The following TMEM132C variants were observed in gnomAD, a reference collection of about 807,000 sequenced individuals.
TMEM132C encodes the protein transmembrane protein 132C.
A neutral mutation model predicts 61.4 loss-of-function variants in TMEM132C; 29 were observed. The observed-to-expected ratio is 0.47, with a 90% CI of 0.35 to 0.64. The LOEUF is 0.64. Ranked by LOEUF, TMEM132C falls within the 30% of genes least tolerant of loss-of-function variation. TMEM132C has a pLI of 0.00. For synonymous variants in TMEM132C, 656 were observed against 633.1 expected (o/e 1.04, Z -0.54); for missense variants, 1,408 against 1,476.9 (o/e 0.95, Z 0.76).
At chr12:128,656,942 A>C (rs7297892) in intron 4 of TMEM132C, among the ~76,000 whole-genome samples, 40,057 of 151,946 alleles carry the variant, frequency 0.26, 5,868 homozygotes, top group South Asian at 0.33. Flanking sequence ...TTTGGGGGCT[A>C]CCTCTGGGAT....
At chr12:128,612,576 T>C (rs554882251) in intron 3 of TMEM132C, among the ~76,000 whole-genome samples, 1 of 152,324 alleles carries the variant, frequency 6.6e-6, no homozygotes, top group African/African-American at 2.4e-5. Context: ...TTCAAAAGTG[T>C]CTGCTCTGAC....
chr12:128,611,606 G>A (rs374335765), intron 3 of TMEM132C, among the ~76,000 whole-genome samples: 105 of 152,252 alleles, frequency 6.9e-4, no homozygotes, highest in African/African-American at 2.4e-3. Flanking sequence ...TTCCACCTCA[G>A]GTCACAGCAA....
intron 2 of TMEM132C, among the ~76,000 whole-genome samples, chr12:128,537,546 A>G (rs1873575966): frequency 1.3e-5 from 2 of 152,208 alleles, no homozygotes; most frequent in South Asian, 4.1e-4. Context: ...AGAAGGTCAA[A>G]TAGTTCTGCA....
At chr12:128,421,477 C>T (rs76821841) in intron 2 of TMEM132C, among the ~76,000 whole-genome samples, 158 of 152,322 alleles carry the variant, frequency 1.0e-3, no homozygotes, top group African/African-American at 3.7e-3. Flanking sequence ...AAGACTTTCT[C>T]CAATGGGTCT....
intron 1 of TMEM132C, among the ~76,000 whole-genome samples, chr12:128,322,235 C>T (rs1195919956): frequency 2.0e-5 from 3 of 152,226 alleles, no homozygotes; most frequent in Non-Finnish European, 4.4e-5. Context: ...TGTAGAGAGG[C>T]TGCCTGTAAG....
intron 1 of TMEM132C, among the ~76,000 whole-genome samples, chr12:128,408,664 T>G (rs961640423): frequency 1.3e-5 from 2 of 152,188 alleles, no homozygotes; most frequent in African/African-American, 4.8e-5. Context: ...TTTGTGCATG[T>G]TTTAAGCTGA....
At chr12:128,396,260 A>C (rs1213492748) in intron 1 of TMEM132C, among the ~76,000 whole-genome samples, 1 of 152,198 alleles carries the variant, frequency 6.6e-6, no homozygotes, top group African/African-American at 2.4e-5. Context: ...ATGCCAGTAC[A>C]TGTAGTTCTC....
At chr12:128,626,252 A>T (rs1954014719) in intron 4 of TMEM132C, among the ~76,000 whole-genome samples, 1 of 144,044 alleles carries the variant, frequency 6.9e-6, no homozygotes, top group South Asian at 2.3e-4. Flanking sequence ...TCAGCCTCCC[A>T]AGTAGCTGGG....
At chr12:128,639,087 A>G (rs1241219758) in intron 4 of TMEM132C, among the ~76,000 whole-genome samples, 2 of 142,148 alleles carry the variant, frequency 1.4e-5, no homozygotes, top group African/African-American at 5.3e-5. Flanking sequence ...TATGATGATG[A>G]TGATGATGGT....
intron 2 of TMEM132C, among the ~76,000 whole-genome samples, chr12:128,489,643 C>G (rs1333615183): frequency 2.6e-5 from 4 of 151,128 alleles, no homozygotes; most frequent in Admixed American, 1.3e-4. Context: ...TCATGCTACT[C>G]CCCTGCTCAG....
chr12:128,365,040 TAAC>T (rs1318111212), intron 1 of TMEM132C, among the ~76,000 whole-genome samples: 1 of 152,164 alleles, frequency 6.6e-6, no homozygotes, highest in Non-Finnish European at 1.5e-5. Context: ...CTCTGTTCCT[TAAC>T]AACCAGTGAT....
intron 1 of TMEM132C, among the ~76,000 whole-genome samples, chr12:128,284,128 A>G (rs1870982987): frequency 2.0e-5 from 3 of 152,198 alleles, no homozygotes; most frequent in Non-Finnish European, 2.9e-5. Flanking sequence ...CCATGGGCCC[A>G]TGTACCACCA....
At chr12:128,358,801 C>A (rs767954901) in intron 1 of TMEM132C, among the ~76,000 whole-genome samples, 1 of 152,114 alleles carries the variant, frequency 6.6e-6, no homozygotes, top group African/African-American at 2.4e-5. Context: ...ATTTGAATTG[C>A]GCACACAGGC....
intron 1 of TMEM132C, among the ~76,000 whole-genome samples, chr12:128,319,461 T>A (rs1872257150): frequency 6.6e-6 from 1 of 151,964 alleles, no homozygotes; most frequent in African/African-American, 2.4e-5. Context: ...CAGGACCCCT[T>A]GCCTTAGTCT....
At chr12:128,553,304 T>G (rs955018174) in intron 3 of TMEM132C, among the ~76,000 whole-genome samples, 21 of 152,078 alleles carry the variant, frequency 1.4e-4, no homozygotes, top group Non-Finnish European at 2.9e-4. Flanking sequence ...TTTCTTCTCC[T>G]TACCTTTTTA....
chr12:128,290,466 C>T (rs763302963), intron 1 of TMEM132C, among the ~76,000 whole-genome samples: 2 of 152,080 alleles, frequency 1.3e-5, no homozygotes, highest in African/African-American at 4.8e-5. Flanking sequence ...AGGTCCCTCC[C>T]TTGACATGTG....
intron 5 of TMEM132C, among the ~76,000 whole-genome samples, chr12:128,675,518 T>G (rs76244432): frequency 2.0e-5 from 3 of 152,194 alleles, no homozygotes; most frequent in Non-Finnish European, 4.4e-5. Context: ...CAAACTTATC[T>G]CAAAGGTTGC....
chr12:128,675,270 AT>A (rs1469576988), intron 5 of TMEM132C, among the ~76,000 whole-genome samples: 2 of 152,050 alleles, frequency 1.3e-5, no homozygotes, highest in African/African-American at 4.8e-5. Context: ...GCGAGACTTT[AT>A]TTTGCATACC....
At chr12:128,512,103 T>G (rs1442739376) in intron 2 of TMEM132C, among the ~76,000 whole-genome samples, 1 of 152,132 alleles carries the variant, frequency 6.6e-6, no homozygotes, top group East Asian at 1.9e-4. Context: ...TTCTTTTTCT[T>G]TTTAAGGTAT....
Sources: allele counts gnomAD v4.1 joint callset (sites outside exome capture counted in the v4.1 genomes callset), GRCh38; gene constraint gnomAD v4.1.1; transcripts MANE v1.5; gene names NCBI Gene and HGNC (gene_info 2026-07-23, HGNC 2026-07-21).